Variants in EFCAB6 observed in about 807,000 individuals in gnomAD.
EFCAB6 encodes EF-hand calcium-binding domain-containing protein 6.
EFCAB6 carries 156 observed loss-of-function variants against 169.8 expected under a neutral mutation model. That is an observed-to-expected ratio of 0.92 (90% CI 0.81 to 1.05). The LOEUF (loss-of-function observed/expected upper bound fraction) is 1.05, where lower values mean the gene tolerates loss of function less well. Ranked by LOEUF, EFCAB6 falls within the 50% of genes least tolerant of loss-of-function variation. EFCAB6 has a pLI of 0.00. For synonymous variants in EFCAB6, 698 were observed against 676.4 expected (o/e 1.03, Z -0.50); for missense variants, 1,800 against 1,829.1 (o/e 0.98, Z 0.29).
At chr22:43,786,033 A>G (rs1219346920) in intron 2 of EFCAB6, among the ~76,000 whole-genome samples, 2 of 152,258 alleles carry the variant, frequency 1.3e-5, no homozygotes, top group Non-Finnish European at 2.9e-5. Context: ...AACCAGGACC[A>G]GATGAGTTCA....
intron 17 of EFCAB6, among the ~76,000 whole-genome samples, chr22:43,663,797 C>T (rs1171168235): frequency 1.3e-5 from 2 of 152,204 alleles, no homozygotes; most frequent in East Asian, 1.9e-4. Flanking sequence ...CTCTTGCTGC[C>T]GTGAGAAGTC....
Position 43,793,305 on chromosome 22 carries a change from C to T in EFCAB6, c.-7-10980G>A, listed in dbSNP as rs2062378045. Reference sequence around the variant, plus strand: ...GTTGGGTCTCCTCTAGTTCTAATTTCTACCAACTGCGGGATCATAAAAGCT... The same window carrying T: ...GTTGGGTCTCCTCTAGTTCTAATTTTTACCAACTGCGGGATCATAAAAGCT... On this transcript the variant is annotated intron_variant, in intron 2 of 31. Transcript: ENST00000262726. Among the ~76,000 whole-genome samples the T allele has an allele frequency of 4.6e-5, 7 of 152,196 alleles. No homozygotes were observed. The South Asian group carries it at 1.5e-3, about 32-fold the overall frequency.
Position 43,540,261 on chromosome 22 carries a change from G to C in EFCAB6, c.3745C>G (p.Pro1249Ala), listed in dbSNP as rs758556264. 1 of 1,614,250 alleles carries C rather than the reference G, an allele frequency of 6.2e-7. No homozygotes were observed. The highest frequency in any genetic ancestry group is 1.1e-5 in the South Asian group (1 of 91,086). Residue 1249 changes from proline to alanine, a missense_variant, in exon 28 of 32, where the codon CCA (proline) becomes GCA (alanine). Physicochemically the swap from Pro to Ala is conservative, Grantham distance 27. Transcript: ENST00000262726. ...SRFSSETAATPMATGDSAVAQ... is the reference protein window; with the variant it reads ...SRFSSETAATAMATGDSAVAQ... ...ACGGCCGAGTCACCAGTGGCCATTG[G>C]TGTGGCTGCTGTCTCGGAACTGAAC...
At chr22:43,745,393 C>T (rs10483220) in intron 6 of EFCAB6, among the ~76,000 whole-genome samples, 17,872 of 152,250 alleles carry the variant, frequency 0.12, 1,139 homozygotes, top group Middle Eastern at 0.18. Context: ...AACCCGCAGA[C>T]GAACTTAAAC....
chr22:43,808,433 T>A (rs1268490802), intron 2 of EFCAB6, among the ~76,000 whole-genome samples: 1 of 152,170 alleles, frequency 6.6e-6, no homozygotes, highest in Non-Finnish European at 1.5e-5. Context: ...CCTACAGACT[T>A]ACTGACATGC....
intron 17 of EFCAB6, among the ~76,000 whole-genome samples, chr22:43,649,172 T>C (rs1452076875): frequency 2.0e-5 from 3 of 152,154 alleles, no homozygotes; most frequent in Non-Finnish European, 4.4e-5. Flanking sequence ...CTGGGATTCT[T>C]GTGAGAGCAG....
intron 6 of EFCAB6, among the ~76,000 whole-genome samples, chr22:43,741,254 T>A (rs1279466453): frequency 1.3e-5 from 2 of 152,088 alleles, no homozygotes; most frequent in Non-Finnish European, 2.9e-5. Flanking sequence ...TGACCGACTT[T>A]GAATTCACAA....
At chr22:43,541,264 G>A (rs2047702289) in intron 27 of EFCAB6, among the ~76,000 whole-genome samples, 1 of 152,242 alleles carries the variant, frequency 6.6e-6, no homozygotes, top group Non-Finnish European at 1.5e-5. Flanking sequence ...GCAAATTAGA[G>A]TGACTGTCTT....
chr22:43,764,837 A>C (rs2061276042), intron 5 of EFCAB6, among the ~76,000 whole-genome samples: 1 of 152,128 alleles, frequency 6.6e-6, no homozygotes, highest in Admixed American at 6.6e-5. Context: ...AAAGAGTCCC[A>C]TGCTTTATGC....
intron 23 of EFCAB6, among the ~76,000 whole-genome samples, chr22:43,592,535 C>T (rs927266065): frequency 6.6e-6 from 1 of 152,054 alleles, no homozygotes; most frequent in Non-Finnish European, 1.5e-5. Context: ...TAATTATTTC[C>T]CTTGCAGAGT....
At chr22:43,753,030 G>C (rs1171976756) in intron 6 of EFCAB6, among the ~76,000 whole-genome samples, 1 of 152,124 alleles carries the variant, frequency 6.6e-6, no homozygotes, top group Non-Finnish European at 1.5e-5. Flanking sequence ...ATTCATTCTT[G>C]TCAGTACCCT....
chr22:43,668,552 T>C (rs1232620959), intron 16 of EFCAB6, among the ~76,000 whole-genome samples: 1 of 152,206 alleles, frequency 6.6e-6, no homozygotes, highest in African/African-American at 2.4e-5. Context: ...AGGTATGTAA[T>C]AGAGAAGTTA....
At chr22:43,767,098 T>G (rs2061345733) in intron 4 of EFCAB6, among the ~76,000 whole-genome samples, 1 of 152,190 alleles carries the variant, frequency 6.6e-6, no homozygotes, top group Non-Finnish European at 1.5e-5. Context: ...TTCATCAAGC[T>G]TCACACAAAT....
chr22:43,612,579 C>T (rs1224486551), intron 21 of EFCAB6, among the ~76,000 whole-genome samples: 5 of 152,304 alleles, frequency 3.3e-5, no homozygotes, highest in African/African-American at 7.2e-5. Context: ...TACCATCTCA[C>T]ACCAGTCAGA....
intron 27 of EFCAB6, among the ~76,000 whole-genome samples, chr22:43,549,769 T>C (rs1227494747): frequency 1.3e-5 from 2 of 152,224 alleles, no homozygotes; most frequent in South Asian, 2.1e-4. Context: ...CAATAAAAAC[T>C]TGCTAACTGA....
intron 3 of EFCAB6, among the ~76,000 whole-genome samples, chr22:43,774,482 C>A (rs1056598756): frequency 2.6e-5 from 4 of 151,712 alleles, no homozygotes; most frequent in African/African-American, 9.7e-5. Flanking sequence ...CGGCGATTCT[C>A]CCCCGACACC....
At chr22:43,674,060 A>C (rs905390154) in intron 13 of EFCAB6, among the ~76,000 whole-genome samples, 1 of 152,120 alleles carries the variant, frequency 6.6e-6, no homozygotes, top group African/African-American at 2.4e-5. Context: ...CAAACTGCAT[A>C]TATTAAATAT....
intron 4 of EFCAB6, among the ~76,000 whole-genome samples, chr22:43,766,543 G>A (rs1037361926): frequency 1.3e-5 from 2 of 151,248 alleles, no homozygotes; most frequent in African/African-American, 4.9e-5. Flanking sequence ...TTCTTTTTTT[G>A]AGACTCTGTC....
intron 2 of EFCAB6, among the ~76,000 whole-genome samples, chr22:43,801,856 T>C (rs1569495692): frequency 6.6e-6 from 1 of 152,128 alleles, no homozygotes; most frequent in Non-Finnish European, 1.5e-5. Flanking sequence ...AACAGTAAGT[T>C]CTTACTCATC....
Sources: allele counts gnomAD v4.1 joint callset (sites outside exome capture counted in the v4.1 genomes callset), GRCh38; gene constraint gnomAD v4.1.1; transcripts MANE v1.5; gene names NCBI Gene and HGNC (gene_info 2026-07-23, HGNC 2026-07-21).